The following DIAPH2 variants were observed in gnomAD, a reference collection of about 807,000 sequenced individuals.
DIAPH2 encodes protein diaphanous homolog 2.
A neutral mutation model predicts 92.7 loss-of-function variants in DIAPH2; 35 were observed. The observed-to-expected ratio is 0.38, with a 90% CI of 0.29 to 0.50. The LOEUF (loss-of-function observed/expected upper bound fraction) is 0.50, where lower values mean the gene tolerates loss of function less well. DIAPH2 is among the 20% of genes least tolerant of loss of function. DIAPH2 has a pLI of 0.94. For synonymous variants in DIAPH2, 301 were observed against 280.4 expected (o/e 1.07, Z -0.73); for missense variants, 701 against 819.5 (o/e 0.86, Z 1.77).
chrX:96,898,073 G>A (rs1316042857), intron 5 of DIAPH2, among the ~76,000 whole-genome samples: 23 of 91,572 alleles, frequency 2.5e-4, no homozygotes, highest in African/African-American at 9.1e-4. Flanking sequence ...TTTTATGGCT[G>A]CATAGTATTC....
At chrX:96,705,848 G>A (rs1415447177) in intron 1 of DIAPH2, among the ~76,000 whole-genome samples, 1 of 111,582 alleles carries the variant, frequency 9.0e-6, no homozygotes, top group Non-Finnish European at 1.9e-5. Context: ...TGGACCTATT[G>A]AAACAGAATC....
chrX:96,901,810 C>T (rs1264237240), intron 5 of DIAPH2, among the ~76,000 whole-genome samples: 1 of 110,610 alleles, frequency 9.0e-6, no homozygotes, highest in African/African-American at 3.3e-5. Context: ...TCTGGGATTA[C>T]AGGTGTGAGC....
At chrX:97,571,161 G>GTAAAATTTTACA (rs2071367338) in intron 26 of DIAPH2, among the ~76,000 whole-genome samples, 1 of 110,944 alleles carries the variant, frequency 9.0e-6, no homozygotes, top group Non-Finnish European at 1.9e-5. Context: ...AATAATAGGT[G>GTAAAATTTTACA]GCCAGTAAGG....
chrX:97,438,435 C>T (rs896269296), intron 26 of DIAPH2, among the ~76,000 whole-genome samples: 9 of 99,247 alleles, frequency 9.1e-5, no homozygotes, highest in Non-Finnish European at 1.8e-4. Context: ...GTGCGATCAC[C>T]ACTCCCTGCA....
chrX:97,417,389 CACACACACAT>C (rs1229124029), intron 25 of DIAPH2, among the ~76,000 whole-genome samples: 2 of 109,242 alleles, frequency 1.8e-5, no homozygotes, highest in African/African-American at 6.9e-5. Flanking sequence ...CACACACACA[CACACACACAT>C]ACACACACAC....
chrX:97,096,037 C>T (rs926975286), intron 19 of DIAPH2, among the ~76,000 whole-genome samples: 3 of 111,914 alleles, frequency 2.7e-5, no homozygotes, highest in Admixed American at 9.5e-5. Context: ...TAAGCAGCAG[C>T]AGGTGGGGTT....
chrX:96,983,969 C>A (rs1386343765), intron 17 of DIAPH2, among the ~76,000 whole-genome samples: 1 of 111,442 alleles, frequency 9.0e-6, no homozygotes, highest in Non-Finnish European at 1.9e-5. Flanking sequence ...TTAGGATGGA[C>A]CCTAGTTAGA....
At chrX:96,861,599 G>A (rs1031036160) in intron 4 of DIAPH2, among the ~76,000 whole-genome samples, 1 of 111,027 alleles carries the variant, frequency 9.0e-6, no homozygotes, top group Admixed American at 9.6e-5. Context: ...TCTTCTATTC[G>A]CTACACAAAT....
intron 12 of DIAPH2, among the ~76,000 whole-genome samples, chrX:96,939,875 G>T (rs1398026120): frequency 1.1e-5 from 1 of 92,649 alleles, no homozygotes; most frequent in Non-Finnish European, 2.1e-5. Flanking sequence ...GTGTTAGCCA[G>T]GATGGTCTCG....
intron 26 of DIAPH2, among the ~76,000 whole-genome samples, chrX:97,456,937 GA>G (rs1400688552): frequency 1.2e-4 from 13 of 111,081 alleles, no homozygotes; most frequent in Non-Finnish European, 2.5e-4. Flanking sequence ...ATCTTACTAA[GA>G]AAAAAAATCC....
intron 3 of DIAPH2, among the ~76,000 whole-genome samples, chrX:96,740,938 C>T (rs990652767): frequency 9.0e-6 from 1 of 110,838 alleles, no homozygotes; most frequent in African/African-American, 3.3e-5. Flanking sequence ...CAGAGCTCTT[C>T]CCCATCTTTA....
In DIAPH2 at chrX:97,137,465, A is replaced by G. The variant is rs770551579; in HGVS notation, c.2590-4200A>G. ...ACCAAAGCAAAGTCTCTAGCCATGT[A>G]AGAGCTCATATTGAGTGTGAGAGAC... On this transcript the variant is annotated intron_variant, in intron 21 of 26. Transcript: ENST00000324765. 3.9e-3 allele frequency among the ~76,000 whole-genome samples: 422 copies of G among 107,769 alleles called. 5 individuals carry two copies. Among genetic ancestry groups the G allele is most frequent in the African/African-American group, 0.014 (399 of 29,419 alleles). The allele number at this position is 107,769 out of a possible 115,157, so 93.6% of individuals were successfully genotyped here.
At chrX:97,177,814 C>G (rs1444630810) in intron 22 of DIAPH2, among the ~76,000 whole-genome samples, 1 of 109,817 alleles carries the variant, frequency 9.1e-6, no homozygotes, top group Non-Finnish European at 1.9e-5. Context: ...ATTTTCTTAC[C>G]TTGACCAGTG....
At chrX:97,086,567 A>C (rs1037776869) in intron 19 of DIAPH2, among the ~76,000 whole-genome samples, 1 of 112,112 alleles carries the variant, frequency 8.9e-6, no homozygotes, top group African/African-American at 3.2e-5. Context: ...AGTTCGTGAA[A>C]TAATGGATAT....
chrX:96,791,442 G>T (rs2064500252), intron 4 of DIAPH2, among the ~76,000 whole-genome samples: 3 of 110,490 alleles, frequency 2.7e-5, no homozygotes, highest in African/African-American at 9.9e-5. Context: ...GGAGGCTGAG[G>T]CATGAGGATT....
chrX:96,810,878 T>C (rs1174799631), intron 4 of DIAPH2, among the ~76,000 whole-genome samples: 1 of 111,628 alleles, frequency 9.0e-6, no homozygotes, highest in African/African-American at 3.3e-5. Context: ...ACTGGTCTGT[T>C]TCTCTGTTTT....
intron 5 of DIAPH2, among the ~76,000 whole-genome samples, chrX:96,887,502 C>T (rs1212784087): frequency 9.0e-6 from 1 of 110,957 alleles, no homozygotes; most frequent in Admixed American, 9.6e-5. Flanking sequence ...AGGTTTTTTC[C>T]TATGGCTCAC....
In DIAPH2 at chrX:97,417,667, T is replaced by C. The variant is rs1602576840; in HGVS notation, c.3146-11983T>C. 5.4e-5 allele frequency among the ~76,000 whole-genome samples: 6 copies of C among 110,750 alleles called. 1 individual carries two copies. The Admixed American group carries it at 5.8e-4, about 11-fold the overall frequency. ...TCCAGCCTGGGTGACAGAGAAGGAC[T>C]CTGTCTTAAAAAAATAATAAATAAA... On this transcript the variant is annotated intron_variant, in intron 25 of 26. Coordinates refer to ENST00000324765, the MANE Select transcript of DIAPH2 (RefSeq NM_006729.5).
intron 26 of DIAPH2, among the ~76,000 whole-genome samples, chrX:97,562,185 G>A (rs762105347): frequency 9.0e-6 from 1 of 110,819 alleles, no homozygotes; most frequent in African/African-American, 3.3e-5. Context: ...TGCAGGTGAG[G>A]AGACTGAGAA....
Sources: gnomAD v4.1 joint callset for allele counts (sites outside exome capture counted in the v4.1 genomes callset) on GRCh38, gnomAD v4.1.1 for gene constraint, MANE v1.5 for transcripts, NCBI Gene and HGNC (gene_info 2026-07-23, HGNC 2026-07-21) for gene names.